The following CUBN variants were observed in gnomAD, a reference collection of about 807,000 sequenced individuals.
CUBN encodes the protein cubilin, also known as 460 kDa receptor.
Under a neutral mutation model 405.3 loss-of-function variants are expected in CUBN, and 282 were observed. That is an observed-to-expected ratio of 0.70 (90% confidence interval 0.63 to 0.77). The LOEUF is 0.77. Ranked by LOEUF, CUBN falls within the 30% of genes least tolerant of loss-of-function variation. The probability of loss-of-function intolerance (pLI) is 0.00; values close to 1 mark genes in which losing one functional copy is unlikely to be tolerated. For synonymous variants in CUBN, 1,684 were observed against 1,617.0 expected (o/e 1.04, Z -0.99); for missense variants, 4,514 against 4,475.2 (o/e 1.01, Z -0.25).
chr10:16,924,421 T>G (rs1204209958), intron 43 of CUBN, among the ~76,000 whole-genome samples: 2 of 152,186 alleles, frequency 1.3e-5, no homozygotes, highest in Admixed American at 6.5e-5. Flanking sequence ...TGGTGAAGAC[T>G]CTTATTCATC....
At chr10:16,983,317 T>C (rs949980265) in intron 30 of CUBN, among the ~76,000 whole-genome samples, 2 of 152,174 alleles carry the variant, frequency 1.3e-5, no homozygotes, top group East Asian at 1.9e-4. Flanking sequence ...TAATTAACTT[T>C]AGGGGAGAGC....
chr10:16,899,320 G>A lies in CUBN; in HGVS notation c.8411-137C>T, dbSNP rs952566829. 1.6e-5 allele frequency: 12 copies of A among 732,152 alleles called. No individual in the cohort carries two copies. In the African/African-American group the frequency reaches 2.1e-4, roughly 13 times the overall value. The allele number at this position is 732,152 out of a possible 1,614,324, so 45.4% of individuals were successfully genotyped here. A position where few individuals can be genotyped will look rare whatever the true frequency, so the allele number is the denominator to read the frequency against. On this transcript the variant is annotated intron_variant, in intron 53 of 66. Coordinates refer to ENST00000377833, the MANE Select transcript of CUBN (RefSeq NM_001081.4). ...TTACAAGTGATCATCTTCCAGTCAG[G>A]TGCACAGCAAGCTCTCTCCATAAAT...
chr10:16,903,661 AT>A (rs1249623590), intron 51 of CUBN, among the ~76,000 whole-genome samples: 4 of 147,690 alleles, frequency 2.7e-5, no homozygotes, highest in African/African-American at 4.9e-5. Flanking sequence ...ATTAATAATT[AT>A]TTATTATTAT....
rs147730705 is a variant in CUBN at position 16,835,131 on chromosome 10, G to T, written c.10245C>A (p.Tyr3415Ter). The change falls in exon 64 of 67, where the codon TAC becomes TAA. Residue 3415 changes from tyrosine (Y) to a stop codon, truncating the protein, a stop_gained. Coordinates refer to ENST00000377833, the MANE Select transcript of CUBN (RefSeq NM_001081.4). LOFTEE classifies it high-confidence loss of function. Reference sequence around the variant, plus strand: ...TAACGGTGCAATCCTTGTCATTGTCGTAGTTATCTGGCCATCCAGGGCTTC... The same window carrying T: ...TAACGGTGCAATCCTTGTCATTGTCTTAGTTATCTGGCCATCCAGGGCTTC... ...NLRSPGWPDN[Y>*]DNDKDCTVTL... 4 of 1,613,960 alleles carry T rather than the reference G, an allele frequency of 2.5e-6. No individual in the cohort carries two copies. The East Asian group carries it at 8.9e-5, about 36-fold the overall frequency.
At chr10:16,983,496 C>A (rs546431981) in intron 30 of CUBN, among the ~76,000 whole-genome samples, 18 of 152,272 alleles carry the variant, frequency 1.2e-4, no homozygotes, top group Middle Eastern at 3.4e-3. Flanking sequence ...AAGCGGACTT[C>A]CCTCACAGGG....
intron 52 of CUBN, 25 bp from the exon 53 acceptor site, chr10:16,900,875 T>C (rs1456450374): frequency 4.0e-6 from 6 of 1,500,618 alleles, no homozygotes; most frequent in South Asian, 2.3e-5. Flanking sequence ...AGAAAATGGT[T>C]GTCAGTGAGC....
chr10:16,841,420 T>A (rs1421290639), intron 60 of CUBN, among the ~76,000 whole-genome samples: 2 of 152,130 alleles, frequency 1.3e-5, no homozygotes, highest in Non-Finnish European at 2.9e-5. Context: ...TCTGCTCGTG[T>A]TCCTCTTTAG....
chr10:16,935,394 C>T (rs1842472312), intron 39 of CUBN, among the ~76,000 whole-genome samples: 1 of 152,034 alleles, frequency 6.6e-6, no homozygotes, highest in Non-Finnish European at 1.5e-5. Context: ...CTTCAAGCAA[C>T]CCTCCTGCCT....
At chr10:17,039,046 AGTTCAG>A (rs1421118005) in intron 27 of CUBN, among the ~76,000 whole-genome samples, 3 of 151,792 alleles carry the variant, frequency 2.0e-5, no homozygotes, top group Non-Finnish European at 2.9e-5. Flanking sequence ...AAAGAAATGG[AGTTCAG>A]GTCCTGGAAA....
At chr10:16,891,087 T>C (rs573662011) in intron 54 of CUBN, among the ~76,000 whole-genome samples, 8 of 152,332 alleles carry the variant, frequency 5.3e-5, no homozygotes, top group Admixed American at 4.6e-4. Flanking sequence ...ATCCAGTCAG[T>C]GTGTGCTATT....
In CUBN at chr10:17,019,820, G is replaced by A. The variant is rs1337492426; in HGVS notation, c.4168+13C>T. ...GCAACTGCAAATACAACTGAGATCA[G>A]CACCTGGCTTACCGTAAACAAACCA... On this transcript the variant is annotated intron_variant, in intron 28 of 66. Coordinates refer to ENST00000377833, the MANE Select transcript of CUBN (RefSeq NM_001081.4). 3.1e-6 allele frequency: 5 copies of A among 1,613,910 alleles called. No individual in the cohort carries two copies. The highest frequency in any genetic ancestry group is 3.4e-6 in the Non-Finnish European group (4 of 1,179,954).
At chr10:17,123,228 A>G (rs1261792931) in intron 5 of CUBN, among the ~76,000 whole-genome samples, 1 of 152,090 alleles carries the variant, frequency 6.6e-6, no homozygotes, top group Non-Finnish European at 1.5e-5. Context: ...GACAGTTTCC[A>G]TCGTTATCAG....
chr10:16,962,103 A>G (rs903921330), intron 31 of CUBN, among the ~76,000 whole-genome samples: 2 of 152,198 alleles, frequency 1.3e-5, no homozygotes, highest in African/African-American at 2.4e-5. Context: ...GTTGGGGACA[A>G]GTTGCCCCCT....
chr10:17,070,420 A>G (rs1248467732), intron 19 of CUBN, among the ~76,000 whole-genome samples: 1 of 152,136 alleles, frequency 6.6e-6, no homozygotes, highest in East Asian at 1.9e-4. Flanking sequence ...TGTGATTTTT[A>G]TGGGGATTGA....
intron 57 of CUBN, among the ~76,000 whole-genome samples, chr10:16,875,007 G>A (rs764844809): frequency 3.9e-5 from 6 of 152,076 alleles, no homozygotes; most frequent in Non-Finnish European, 5.9e-5. Context: ...CATTTTTGGA[G>A]CTTTCCAGTT....
chr10:17,054,331 C>CAAAA (rs60899709), intron 22 of CUBN, among the ~76,000 whole-genome samples: 1 of 131,270 alleles, frequency 7.6e-6, no homozygotes, highest in Non-Finnish European at 1.6e-5. Context: ...AACTCCGTCT[C>CAAAA]AAAAAAAAAA....
At chr10:17,085,226 T>G (rs550103833) in intron 16 of CUBN, among the ~76,000 whole-genome samples, 2 of 152,188 alleles carry the variant, frequency 1.3e-5, no homozygotes, top group Admixed American at 6.5e-5. Context: ...CCAGCCCCTG[T>G]GCAGCTGGAC....
chr10:17,117,397 T>C (rs945506208), intron 6 of CUBN, among the ~76,000 whole-genome samples: 1 of 152,094 alleles, frequency 6.6e-6, no homozygotes, highest in Non-Finnish European at 1.5e-5. Context: ...TTTTTTGAGA[T>C]GGAGTCTCAC....
chr10:16,889,406 T>C (rs1218744728), intron 55 of CUBN, among the ~76,000 whole-genome samples: 1 of 152,332 alleles, frequency 6.6e-6, no homozygotes, highest in East Asian at 1.9e-4. Context: ...TTGCCATGAG[T>C]GGCTACACTT....
Sources: allele counts gnomAD v4.1 joint callset (sites outside exome capture counted in the v4.1 genomes callset), GRCh38; gene constraint gnomAD v4.1.1; transcripts MANE v1.5; gene names NCBI Gene and HGNC (gene_info 2026-07-23, HGNC 2026-07-21).